OPCML: variants seen among roughly 807,000 people sequenced by gnomAD.
The protein encoded by OPCML is opioid-binding protein/cell adhesion molecule.
A neutral mutation model predicts 37.8 loss-of-function variants in OPCML; 13 were observed. That is an observed-to-expected ratio of 0.34 (90% confidence interval 0.22 to 0.55). The LOEUF is 0.55. OPCML is among the 20% of genes least tolerant of loss of function. The pLI is 0.91. For synonymous variants in OPCML, 176 were observed against 168.8 expected (o/e 1.04, Z -0.33); for missense variants, 341 against 435.6 (o/e 0.78, Z 1.93).
intron 3 of OPCML, among the ~76,000 whole-genome samples, chr11:132,633,276 C>T (rs1446767962): frequency 1.3e-5 from 2 of 149,618 alleles, no homozygotes; most frequent in East Asian, 2.0e-4. Context: ...GATCTCGGCT[C>T]ACTGCAACCT....
intron 1 of OPCML, among the ~76,000 whole-genome samples, chr11:133,477,366 C>T (rs984093094): frequency 6.6e-6 from 1 of 152,188 alleles, no homozygotes; most frequent in Non-Finnish European, 1.5e-5. Context: ...ACTTTCAACA[C>T]GGTGAATGCC....
chr11:132,966,331 T>G (rs1180811282), intron 1 of OPCML, among the ~76,000 whole-genome samples: 2 of 152,138 alleles, frequency 1.3e-5, no homozygotes, highest in African/African-American at 4.8e-5. Flanking sequence ...TTTTTAAATT[T>G]CTCAATTTTT....
chr11:132,828,305 A>G (rs540622262), intron 2 of OPCML, among the ~76,000 whole-genome samples: 2 of 152,302 alleles, frequency 1.3e-5, no homozygotes, highest in East Asian at 3.9e-4. Flanking sequence ...GTATGATACT[A>G]CAACAACAGA....
At chr11:132,808,260 C>A (rs1939131030) in intron 2 of OPCML, among the ~76,000 whole-genome samples, 1 of 152,180 alleles carries the variant, frequency 6.6e-6, no homozygotes, top group Non-Finnish European at 1.5e-5. Context: ...TGTTGAGACA[C>A]TATAGCACGG....
At chr11:132,618,652 T>C (rs1328161605) in intron 3 of OPCML, among the ~76,000 whole-genome samples, 3 of 152,232 alleles carry the variant, frequency 2.0e-5, no homozygotes, top group African/African-American at 7.2e-5. Flanking sequence ...ATAGATCTTG[T>C]AATTGATTTT....
intron 2 of OPCML, among the ~76,000 whole-genome samples, chr11:132,696,800 T>C (rs1310138168): frequency 1.3e-5 from 2 of 151,982 alleles, no homozygotes; most frequent in African/African-American, 2.4e-5. Context: ...CGCTGACCCA[T>C]AAAACCTGCA....
At chr11:132,901,296 T>C (rs776360981) in intron 2 of OPCML, among the ~76,000 whole-genome samples, 6 of 152,180 alleles carry the variant, frequency 3.9e-5, no homozygotes, top group Non-Finnish European at 7.4e-5. Context: ...ACAAGCTAAA[T>C]AAACACCAGC....
intron 1 of OPCML, among the ~76,000 whole-genome samples, chr11:133,198,071 A>T (rs1938609436): frequency 6.6e-6 from 1 of 152,196 alleles, no homozygotes; most frequent in Non-Finnish European, 1.5e-5. Context: ...AAATAAATGA[A>T]ATGATATTTT....
At chr11:132,780,167 G>C (rs750639700) in intron 2 of OPCML, among the ~76,000 whole-genome samples, 35 of 152,294 alleles carry the variant, frequency 2.3e-4, no homozygotes, top group Non-Finnish European at 3.8e-4. Context: ...ACAATAAAGG[G>C]TCATGCACTT....
intron 2 of OPCML, among the ~76,000 whole-genome samples, chr11:132,905,499 C>T (rs989173658): frequency 3.9e-5 from 6 of 152,106 alleles, no homozygotes; most frequent in Admixed American, 2.0e-4. Flanking sequence ...TCCCAAAGTG[C>T]TGGGATTACA....
chr11:133,168,235 G>A (rs900846433), intron 1 of OPCML, among the ~76,000 whole-genome samples: 1 of 152,318 alleles, frequency 6.6e-6, no homozygotes, highest in South Asian at 2.1e-4. Flanking sequence ...ATGACACCAG[G>A]GAGATACTCC....
chr11:132,584,132 A>C (rs545259793), intron 3 of OPCML, among the ~76,000 whole-genome samples: 55 of 152,158 alleles, frequency 3.6e-4, no homozygotes, highest in Non-Finnish European at 7.4e-4. Flanking sequence ...AAATTACGGG[A>C]ATTTGTGGCT....
At chr11:133,144,285 T>A (rs1949867296) in intron 1 of OPCML, among the ~76,000 whole-genome samples, 1 of 152,234 alleles carries the variant, frequency 6.6e-6, no homozygotes, top group Non-Finnish European at 1.5e-5. Context: ...CCCTGCCACC[T>A]GCCTGCACAG....
chr11:132,612,102 T>C (rs1458437453), intron 3 of OPCML, among the ~76,000 whole-genome samples: 1 of 152,214 alleles, frequency 6.6e-6, no homozygotes, highest in Non-Finnish European at 1.5e-5. Context: ...TTACAAGTTT[T>C]CCAAAGGTTA....
At chr11:132,528,132 A>G (rs1257388663) in intron 4 of OPCML, among the ~76,000 whole-genome samples, 5 of 152,160 alleles carry the variant, frequency 3.3e-5, no homozygotes, top group Non-Finnish European at 7.3e-5. Context: ...TTCAGTATTA[A>G]TATGAATTTA....
At chr11:132,434,738 C>T (rs2096007641) in intron 7 of OPCML, among the ~76,000 whole-genome samples, 1 of 152,046 alleles carries the variant, frequency 6.6e-6, no homozygotes, top group Non-Finnish European at 1.5e-5. Context: ...AGAACTAAAC[C>T]ATTAGCCCTG....
chr11:133,469,208 T>C (rs1378523333), intron 1 of OPCML, among the ~76,000 whole-genome samples: 1 of 152,206 alleles, frequency 6.6e-6, no homozygotes, highest in Non-Finnish European at 1.5e-5. Flanking sequence ...CACATAATGA[T>C]AGTTCGGCCA....
chr11:132,669,513 A>AG (rs1462244738), intron 2 of OPCML, among the ~76,000 whole-genome samples: 1 of 152,204 alleles, frequency 6.6e-6, no homozygotes, highest in East Asian at 1.9e-4. Flanking sequence ...GCATCTTAGG[A>AG]AAGATGAGTA....
At chr11:133,315,013 G>T (rs182112601) in intron 1 of OPCML, among the ~76,000 whole-genome samples, 1 of 152,152 alleles carries the variant, frequency 6.6e-6, no homozygotes, top group East Asian at 1.9e-4. Flanking sequence ...GAGAAACCAC[G>T]TGTATTGGGT....
Sources: gnomAD v4.1 joint callset for allele counts (sites outside exome capture counted in the v4.1 genomes callset) on GRCh38, gnomAD v4.1.1 for gene constraint, MANE v1.5 for transcripts, NCBI Gene and HGNC (gene_info 2026-07-23, HGNC 2026-07-21) for gene names.